NMUR1: variants seen among roughly 807,000 people sequenced by gnomAD.
NMUR1 encodes neuromedin U receptor 1, also known as neuromedin-U receptor 1.
NMUR1 carries 16 observed loss-of-function variants against 18.8 expected under a neutral mutation model. The observed-to-expected ratio is 0.85, with a 90% CI of 0.58 to 1.29. The LOEUF (loss-of-function observed/expected upper bound fraction) is 1.29. NMUR1 is among the 50% of genes most tolerant of loss of function. The probability of loss-of-function intolerance (pLI) is 0.00; values close to 1 mark genes in which losing one functional copy is unlikely to be tolerated. For missense variants in NMUR1, 529 were observed against 580.3 expected (o/e 0.91, Z 0.91); for synonymous variants, 258 against 258.2 (o/e 1.00, Z 0.01).
At chr2:231,528,050 C>A in intron 2 of NMUR1, 73 bp downstream of exon 2, 1 of 1,473,608 alleles carries the variant, frequency 6.8e-7, no homozygotes. Flanking sequence ...TCAGCCCCTT[C>A]TCCCAGGCCC....
intron 1 of NMUR1, 96 bp downstream of exon 1, chr2:231,530,263 A>G (rs1239863273): frequency 2.2e-6 from 3 of 1,377,996 alleles, no homozygotes; most frequent in Admixed American, 2.4e-5. Context: ...ACCCCGACGG[A>G]GCCCTCGGAC....
In NMUR1 at chr2:231,523,402, A is replaced by C; in HGVS notation, c.*1641T>G. 3.0e-6 allele frequency: 1 copy of C among 333,766 alleles called. No individual in the cohort carries two copies. Among genetic ancestry groups the C allele is most frequent in the East Asian group, 4.0e-5 (1 of 25,298 alleles). 20.7% of individuals were successfully genotyped at this position (333,766 alleles called of 1,614,324 possible). A position where few individuals can be genotyped will look rare whatever the true frequency, so the allele number is the denominator to read the frequency against. ...ACTGAAACTCTTCACCCATTAAAGA[A>C]CTCCTCACTTGCCCTTCCCCCATTC... On this transcript the variant is annotated 3_prime_UTR_variant, in exon 3 of 3. Coordinates refer to ENST00000305141, the MANE Select transcript of NMUR1 (RefSeq NM_006056.5).
At chr2:231,525,863 C>T (rs1390663218) in intron 2 of NMUR1, among the ~76,000 whole-genome samples, 4 of 152,174 alleles carry the variant, frequency 2.6e-5, no homozygotes, top group South Asian at 2.1e-4. Flanking sequence ...GAATGGGGCA[C>T]GTGCTCAGAG....
downstream of NMUR1, among the ~76,000 whole-genome samples, chr2:231,521,795 C>T (rs4973434): frequency 0.28 from 42,244 of 151,644 alleles, 6,469 homozygotes; most frequent in East Asian, 0.5. Context: ...CCAGCATGAC[C>T]GGTGTTTTTG....
intron 2 of NMUR1, 62 bp downstream of exon 2, chr2:231,528,061 C>T: frequency 6.7e-7 from 1 of 1,494,066 alleles, no homozygotes; most frequent in Admixed American, 2.3e-5. Flanking sequence ...TCCCAGGCCC[C>T]AGGAGCCCCA....
intron 2 of NMUR1, 113 bp from the exon 3 acceptor site, chr2:231,525,538 C>G (rs2047348027): frequency 8.3e-7 from 1 of 1,205,912 alleles, no homozygotes; most frequent in Non-Finnish European, 1.1e-6. Context: ...ACAGGCCACC[C>G]TCACCTATCA....
Position 231,525,313 on chromosome 2 carries a change from C to G in NMUR1, c.1011G>C (p.Val337=). Residue 337 remains valine (V), a synonymous_variant, in exon 3 of 3, where the codon GTG becomes GTC. Coordinates refer to ENST00000305141, the MANE Select transcript of NMUR1 (RefSeq NM_006056.5). ...TDGLHLAFQH[V]HVISGIFFYL... ...AGAAGAAGATGCCGGAGATGACGTG[C>G]ACGTGCTGGAAGGCCAGGTGCAGGC... The G allele has an allele frequency of 6.2e-7, 1 of 1,613,964 alleles. No homozygotes were observed. The highest frequency in any genetic ancestry group is 1.1e-5 in the South Asian group (1 of 91,072).
chr2:231,525,395 C>G lies in NMUR1; in HGVS notation c.929G>C (p.Trp310Ser), dbSNP rs1415881123. Residue 310 changes from tryptophan to serine, a missense_variant, in exon 3 of 3, where the codon TGG (tryptophan) becomes TCG (serine). Coordinates refer to ENST00000305141, the MANE Select transcript of NMUR1 (RefSeq NM_006056.5). Reference protein sequence around the residue: ...FVLVVVFGICWAPFHADRVMW... With the variant: ...FVLVVVFGICSAPFHADRVMW... ...GACGCGGTCGGCGTGGAACGGGGCC[C>G]AGCAGATGCCAAACACCACGACCAG... 1 of 1,612,832 alleles carries G rather than the reference C, an allele frequency of 6.2e-7. No individual in the cohort carries two copies. Among genetic ancestry groups the G allele is most frequent in the Non-Finnish European group, 8.5e-7 (1 of 1,179,292 alleles).
chr2:231,527,362 G>A (rs1462106402), intron 2 of NMUR1, among the ~76,000 whole-genome samples: 1 of 152,226 alleles, frequency 6.6e-6, no homozygotes, highest in Non-Finnish European at 1.5e-5. Flanking sequence ...ACCAAAGAGA[G>A]CCGGGTGCAA....
chr2:231,527,973 GACACACAC>G (rs57357206), intron 2 of NMUR1, 142 bp downstream of exon 2: 5 of 572,348 alleles, frequency 8.7e-6, no homozygotes, highest in South Asian at 3.8e-5. Flanking sequence ...GTGCAACTCA[GACACACAC>G]ACACACACAC....
rs777861824 is a variant in NMUR1 at position 231,528,843 on chromosome 2, A to G, written c.178T>C (p.Phe60Leu). 2 of 1,614,240 alleles carry G rather than the reference A, an allele frequency of 1.2e-6. No homozygotes were observed. Among genetic ancestry groups the G allele is most frequent in the Non-Finnish European group, 1.7e-6 (2 of 1,180,046 alleles). The change falls in exon 2 of 3, where the codon TTC (phenylalanine) becomes CTC (leucine). Residue 60 changes from phenylalanine (F) to leucine (L), a missense_variant. Physicochemically the swap from Phe to Leu is conservative, Grantham distance 22. Coordinates refer to ENST00000305141, the MANE Select transcript of NMUR1 (RefSeq NM_006056.5). ...KYLGPQQTEL[F>L]MPICATYLLI... ...AGGTATGTGGCACAGATGGGCATGA[A>G]CAGCTCTGTCTGCTGGGGCCCCAGG...
Position 231,528,420 on chromosome 2 carries a change from C to T in NMUR1, c.601G>A (p.Gly201Ser), listed in dbSNP as rs1433956468. The T allele has an allele frequency of 2.5e-6, 4 of 1,613,586 alleles. No individual in the cohort carries two copies. Among genetic ancestry groups the T allele is most frequent in the South Asian group, 2.2e-5 (2 of 91,072 alleles). ...CAGGGCACGTGCAGCTGCCGGATGC[C>T]GTGCAGGCTGGTGTTGGGCAGGGAG... is the stretch of plus-strand genomic sequence containing the variant. ...LCSLPNTSLH[G>S]IRQLHVPCRG... Residue 201 changes from glycine to serine, a missense_variant, in exon 2 of 3, where the codon GGC becomes AGC. Transcript: ENST00000305141.
At chr2:231,518,900 G>A (rs954369881), downstream of NMUR1, among the ~76,000 whole-genome samples, 9 of 152,062 alleles carry the variant, frequency 5.9e-5, no homozygotes, top group African/African-American at 2.2e-4. Flanking sequence ...AGTTTTGGTG[G>A]AACTGCTTCC....
At chr2:231,521,970 T>TC (rs35177704), downstream of NMUR1, among the ~76,000 whole-genome samples, 75 of 51,392 alleles carry the variant, frequency 1.5e-3, no homozygotes, top group African/African-American at 4.6e-3. Context: ...TCTTTTTTTT[T>TC]CTCTTTTTTT....
At position 231,524,974 on chromosome 2, in the gene NMUR1, G is replaced by A; in HGVS notation, c.*69C>T. ...ACGTGAAGGCATCCCTGCAGAGGAAGGCAGATGTGTCTCCCCAGCTCCAGG... is the reference window on the plus strand; with the variant it reads ...ACGTGAAGGCATCCCTGCAGAGGAAAGCAGATGTGTCTCCCCAGCTCCAGG... On this transcript the variant is annotated 3_prime_UTR_variant, in exon 3 of 3. Coordinates refer to ENST00000305141, the MANE Select transcript of NMUR1 (RefSeq NM_006056.5). 2 of 1,498,078 alleles carry A rather than the reference G, an allele frequency of 1.3e-6. No individual in the cohort carries two copies. The highest frequency in any genetic ancestry group is 2.3e-5 in the Admixed American group (1 of 44,324). The allele number at this position is 1,498,078 out of a possible 1,614,324, so 92.8% of individuals were successfully genotyped here.
downstream of NMUR1, among the ~76,000 whole-genome samples, chr2:231,518,460 C>G (rs1285487110): frequency 1.3e-5 from 2 of 152,194 alleles, no homozygotes; most frequent in Admixed American, 1.3e-4. Flanking sequence ...GATCCGCCTG[C>G]CTCAGCCTCC....
In NMUR1 at chr2:231,528,116, CACTT is replaced by C. The variant is rs1163213349; in HGVS notation, c.898+3_898+6del. 16 of 1,539,750 alleles carry C rather than the reference CACTT, an allele frequency of 1.0e-5. No individual in the cohort carries two copies. The highest frequency in any genetic ancestry group is 1.4e-5 in the Non-Finnish European group (16 of 1,141,980). On this transcript the variant is annotated splice_donor_5th_base_variant and intron_variant, in intron 2 of 2. Coordinates refer to ENST00000305141, the MANE Select transcript of NMUR1 (RefSeq NM_006056.5). ...GCTCAGCCCCTCTTCCCAGCCGTGACACTTACACAGCATCTTGGTCACTTGTCTC... is the reference window on the plus strand; with the variant it reads ...GCTCAGCCCCTCTTCCCAGCCGTGACACACAGCATCTTGGTCACTTGTCTC...
downstream of NMUR1, among the ~76,000 whole-genome samples, chr2:231,521,614 G>T (rs1034078148): frequency 6.6e-6 from 1 of 152,150 alleles, no homozygotes; most frequent in African/African-American, 2.4e-5. Context: ...AAAGCAGCAG[G>T]AGTGGAGAAG....
chr2:231,520,374 TCTTAGTGTCA>T (rs1575282956), downstream of NMUR1, among the ~76,000 whole-genome samples: 1 of 152,232 alleles, frequency 6.6e-6, no homozygotes, highest in African/African-American at 2.4e-5. Flanking sequence ...TTGTTGTGCG[TCTTAGTGTCA>T]CTTGCTCCAG....
Sources: allele counts gnomAD v4.1 joint callset (sites outside exome capture counted in the v4.1 genomes callset), GRCh38; gene constraint gnomAD v4.1.1; transcripts MANE v1.5; gene names NCBI Gene and HGNC (gene_info 2026-07-23, HGNC 2026-07-21).